DOCK1: variants seen among roughly 807,000 people sequenced by gnomAD.
DOCK1 encodes dedicator of cytokinesis protein 1.
In DOCK1, 138 loss-of-function variants were observed where a neutral mutation model predicts 262.7. The observed-to-expected ratio is 0.53, with a 90% CI of 0.46 to 0.61. The LOEUF (loss-of-function observed/expected upper bound fraction) is 0.61. Ranked by LOEUF, DOCK1 falls within the 20% of genes least tolerant of loss-of-function variation. DOCK1 has a pLI of 0.00. For synonymous variants in DOCK1, 866 were observed against 867.4 expected (o/e 1.00, Z 0.03); for missense variants, 1,908 against 2,370.7 (o/e 0.80, Z 4.05).
In DOCK1 at chr10:127,228,103, C is replaced by A. The variant is rs369164636; in HGVS notation, c.2848-19905C>A. 2.6e-5 allele frequency among the ~76,000 whole-genome samples: 4 copies of A among 152,252 alleles called. No homozygotes were observed. The East Asian group carries it at 7.7e-4, about 29-fold the overall frequency. ...TTTGTTAAAAATCAAAACGATTTTC[C>A]ATCCTGGTAAAATGGTAAAAATATC... On this transcript the variant is annotated intron_variant, in intron 27 of 51. Coordinates refer to ENST00000623213, the MANE Select transcript of DOCK1 (RefSeq NM_001290223.2).
At chr10:127,373,538 G>A (rs1032143954) in intron 33 of DOCK1, among the ~76,000 whole-genome samples, 5 of 151,498 alleles carry the variant, frequency 3.3e-5, no homozygotes, top group African/African-American at 1.2e-4. Context: ...TCTTGCTCCT[G>A]CTATCAGGAC....
chr10:127,451,010 T>C (rs1428469599), intron 51 of DOCK1, among the ~76,000 whole-genome samples: 1 of 152,164 alleles, frequency 6.6e-6, no homozygotes, highest in East Asian at 1.9e-4. Flanking sequence ...TAAGGACTTA[T>C]TTATCCCTTA....
chr10:127,298,783 G>A (rs961798902), intron 29 of DOCK1, among the ~76,000 whole-genome samples: 1 of 152,202 alleles, frequency 6.6e-6, no homozygotes, highest in Non-Finnish European at 1.5e-5. Flanking sequence ...TTTTTGAAAA[G>A]CATTTGGGTA....
intron 32 of DOCK1, among the ~76,000 whole-genome samples, chr10:127,361,106 C>CTTTTTTTTTTTTTTTTT (rs1175942298): frequency 1.1e-5 from 1 of 87,432 alleles, no homozygotes; most frequent in African/African-American, 4.8e-5. Context: ...TAAAGTAGTT[C>CTTTTTTTTTTTTTTTTT]TTTTTTTTTT....
At chr10:127,218,747 T>G (rs942678808) in intron 27 of DOCK1, among the ~76,000 whole-genome samples, 2 of 152,222 alleles carry the variant, frequency 1.3e-5, no homozygotes, top group African/African-American at 4.8e-5. Flanking sequence ...TAGTTCACTT[T>G]GTGATGTTAT....
intron 5 of DOCK1, among the ~76,000 whole-genome samples, chr10:126,989,549 A>G (rs931756165): frequency 6.6e-6 from 1 of 151,798 alleles, no homozygotes; most frequent in Non-Finnish European, 1.5e-5. Context: ...CTGATCTCCA[A>G]CTCCTGGACT....
intron 17 of DOCK1, among the ~76,000 whole-genome samples, 168 bp from the exon 18 acceptor site, chr10:127,031,969 G>A (rs151165362): frequency 1.2e-3 from 183 of 152,240 alleles, no homozygotes; most frequent in African/African-American, 3.9e-3. Flanking sequence ...TAAAAATGCC[G>A]TGAACATGAA....
intron 33 of DOCK1, among the ~76,000 whole-genome samples, chr10:127,367,207 C>T (rs2064966717): frequency 6.6e-6 from 1 of 152,344 alleles, no homozygotes; most frequent in Middle Eastern, 3.4e-3. Context: ...CTCTTGTGCT[C>T]GTGCTCTTCA....
chr10:127,343,364 T>C (rs534830220), intron 30 of DOCK1, among the ~76,000 whole-genome samples: 1 of 152,310 alleles, frequency 6.6e-6, no homozygotes, highest in African/African-American at 2.4e-5. Flanking sequence ...ACTCTTGAAA[T>C]TCACATTTTA....
At chr10:127,044,327 A>G (rs2044203841) in intron 21 of DOCK1, among the ~76,000 whole-genome samples, 1 of 152,106 alleles carries the variant, frequency 6.6e-6, no homozygotes, top group Admixed American at 6.6e-5. Context: ...TGTTTACTGT[A>G]AGGTGGTGGG....
chr10:127,162,413 T>C (rs2133689273), intron 27 of DOCK1, among the ~76,000 whole-genome samples: 1 of 152,332 alleles, frequency 6.6e-6, no homozygotes, highest in South Asian at 2.1e-4. Context: ...AATCTCCATA[T>C]AGATTAAAGG....
chr10:127,092,163 G>A (rs1001727747), intron 23 of DOCK1, among the ~76,000 whole-genome samples: 4 of 152,214 alleles, frequency 2.6e-5, no homozygotes, highest in Admixed American at 6.5e-5. Flanking sequence ...GGAAAGTTCT[G>A]CTGGTCAGGT....
At chr10:126,980,275 G>A (rs1319436462) in intron 3 of DOCK1, among the ~76,000 whole-genome samples, 3 of 151,976 alleles carry the variant, frequency 2.0e-5, no homozygotes, top group African/African-American at 4.8e-5. Flanking sequence ...CACTGCCACC[G>A]CGACTTCCTG....
intron 27 of DOCK1, among the ~76,000 whole-genome samples, chr10:127,161,203 C>G (rs2053564304): frequency 6.6e-6 from 1 of 152,188 alleles, no homozygotes; most frequent in Admixed American, 6.5e-5. Context: ...TCACCATATA[C>G]TCATGGAAAC....
chr10:127,327,096 A>G (rs1042514077), intron 29 of DOCK1, among the ~76,000 whole-genome samples: 3 of 152,212 alleles, frequency 2.0e-5, no homozygotes, highest in Non-Finnish European at 4.4e-5. Context: ...CATAATTCTT[A>G]AGGGCGCTAG....
rs1156760268 is a variant in DOCK1, at chr10:127,354,658, C to T, written c.3225-11C>T. ...GAGTGATTCAGCGTTTTTCTTTTCC[C>T]TGATTTCCAGGTACGGAGATATGAG... On this transcript the variant is annotated splice_polypyrimidine_tract_variant and intron_variant, in intron 31 of 51. Transcript: ENST00000623213. 6.2e-7 allele frequency: 1 copy of T among 1,613,392 alleles called. No homozygotes were observed. Among genetic ancestry groups the T allele is most frequent in the South Asian group, 1.1e-5 (1 of 91,014 alleles).
intron 27 of DOCK1, among the ~76,000 whole-genome samples, chr10:127,172,519 C>T (rs1040018611): frequency 4.6e-5 from 7 of 152,092 alleles, no homozygotes; most frequent in African/African-American, 1.7e-4. Flanking sequence ...ATGGAGAAGA[C>T]GGGTGGGAAA....
At chr10:127,118,115 TA>T (rs2049305318) in intron 25 of DOCK1, among the ~76,000 whole-genome samples, 1 of 152,166 alleles carries the variant, frequency 6.6e-6, no homozygotes, top group Admixed American at 6.5e-5. Context: ...TCTCCTGGTT[TA>T]AAAAATACCC....
chr10:127,404,771 C>T lies in DOCK1; in HGVS notation c.4122+342C>T, dbSNP rs181228229. On this transcript the variant is annotated intron_variant, in intron 40 of 51. Transcript: ENST00000623213. ...GCATTAATACAGTCACGTTGTTGTG[C>T]GGCCAGCACCACCATCTACCTTCAG... Among the ~76,000 whole-genome samples the T allele has an allele frequency of 3.3e-5, 5 of 152,214 alleles. No individual in the cohort carries two copies. The East Asian group carries it at 5.8e-4, about 18-fold the overall frequency.
Sources: allele counts gnomAD v4.1 joint callset (sites outside exome capture counted in the v4.1 genomes callset), GRCh38; gene constraint gnomAD v4.1.1; transcripts MANE v1.5; gene names NCBI Gene and HGNC (gene_info 2026-07-23, HGNC 2026-07-21).